Variants in RELN observed in about 807,000 individuals in gnomAD.
RELN encodes reelin.
Under a neutral mutation model 427.6 loss-of-function variants are expected in RELN, and 108 were observed. The ratio of observed to expected loss-of-function variants is 0.25; its 90% CI spans 0.22 to 0.30. RELN has a LOEUF of 0.30. Among genes scored for constraint, RELN ranks in the 10% least tolerant of loss-of-function variants. The pLI, the probability that RELN is intolerant of heterozygous loss-of-function variation, is 1.00. For synonymous variants in RELN, 1,524 were observed against 1,513.4 expected (o/e 1.01, Z -0.16); for missense variants, 3,715 against 4,302.8 (o/e 0.86, Z 3.82).
chr7:103,536,438 T>C (rs2711838), intron 45 of RELN, among the ~76,000 whole-genome samples: 98,097 of 151,888 alleles, frequency 0.65, 32,303 homozygotes, highest in Middle Eastern at 0.74. Context: ...TGGATACCTT[T>C]AGAAATGACT....
intron 4 of RELN, among the ~76,000 whole-genome samples, chr7:103,767,214 C>G (rs534016192): frequency 1.3e-5 from 2 of 152,284 alleles, no homozygotes; most frequent in African/African-American, 4.8e-5. Context: ...TTTAGGGCAC[C>G]AAAGAGTATA....
chr7:103,523,474 T>C lies in RELN; in HGVS notation c.7407A>G (p.Thr2469=), dbSNP rs1287285958. 1.2e-6 allele frequency: 2 copies of C among 1,613,924 alleles called. No individual in the cohort carries two copies. Among genetic ancestry groups the C allele is most frequent in the East Asian group, 2.2e-5 (1 of 44,864 alleles). ...CGATATAGACATTATCTATTGCCCA[T>C]GTCTGCTGCTTGTCAAAAGGAGCTG... ...HQPAPFDKQQ[T]WAIDNVYIGD... Residue 2469 remains threonine (T), a synonymous_variant, in exon 47 of 65, where the codon ACA becomes ACG. Transcript: ENST00000428762.
chr7:103,983,541 C>G (rs539702767), intron 1 of RELN, among the ~76,000 whole-genome samples: 1 of 152,188 alleles, frequency 6.6e-6, no homozygotes, highest in African/African-American at 2.4e-5. Flanking sequence ...ATTCGAGTAT[C>G]TGAAATAGGG....
At chr7:103,956,208 G>T (rs1796431382) in intron 1 of RELN, among the ~76,000 whole-genome samples, 1 of 152,136 alleles carries the variant, frequency 6.6e-6, no homozygotes, top group Non-Finnish European at 1.5e-5. Context: ...ACATTCAAAG[G>T]TTCAGTTGCA....
Position 103,611,603 on chromosome 7 carries a change from A to G in RELN, c.2895+8T>C, listed in dbSNP as rs1157322673. 2.9e-5 allele frequency: 46 copies of G among 1,612,138 alleles called. No homozygotes were observed. The highest frequency in any genetic ancestry group is 1.7e-4 in the Middle Eastern group (1 of 6,056). On this transcript the variant is annotated splice_region_variant and intron_variant, in intron 21 of 64. Transcript: ENST00000428762. ...ACCTGTTACAAGGTTTAAGGAAACT[A>G]GACTTACTTCTTGGACGAGGTGCCA...
intron 2 of RELN, among the ~76,000 whole-genome samples, chr7:103,868,883 T>C (rs1007441587): frequency 5.3e-5 from 8 of 152,150 alleles, no homozygotes; most frequent in Admixed American, 2.6e-4. Flanking sequence ...AAAGTTTTTA[T>C]ACATATTGTT....
intron 2 of RELN, among the ~76,000 whole-genome samples, chr7:103,856,386 A>G (rs945069304): frequency 6.6e-6 from 1 of 151,814 alleles, no homozygotes; most frequent in Admixed American, 6.6e-5. Context: ...CCTGACCAAC[A>G]TGGTGAAACT....
Position 103,498,243 on chromosome 7 carries a change from T to C in RELN, c.8677A>G (p.Lys2893Glu). ...YLTHTLKTFL[K>E]ERFDSEEIKP... is the part of the protein sequence containing the mutation. The stretch of plus-strand genomic sequence containing the variant: ...ATTTCTTCACTGTCAAAGCGTTCCT[T>C]CAGGAAAGTCTGGAAATAAAATAAG... Residue 2893 changes from lysine to glutamate, a missense_variant, in exon 54 of 65, where the codon AAG becomes GAG. By Grantham distance (56) the Lys-to-Glu change is moderately conservative. Transcript: ENST00000428762. The C allele has an allele frequency of 6.2e-7, 1 of 1,613,830 alleles. No individual in the cohort carries two copies. The highest frequency in any genetic ancestry group is 8.5e-7 in the Non-Finnish European group (1 of 1,179,860).
chr7:103,869,838 A>T (rs1221620280), intron 2 of RELN, among the ~76,000 whole-genome samples: 1 of 152,160 alleles, frequency 6.6e-6, no homozygotes, highest in Non-Finnish European at 1.5e-5. Flanking sequence ...ATATCTGTAT[A>T]TCCAACTTTA....
chr7:103,495,455 T>A lies in RELN; in HGVS notation c.9369+268A>T, dbSNP rs535371690. 0.2 allele frequency among the ~76,000 whole-genome samples: 29,803 copies of A among 151,884 alleles called. 2,993 individuals are homozygous for A. Among genetic ancestry groups the A allele is most frequent in the South Asian group, 0.29 (1,393 of 4,814 alleles). On this transcript the variant is annotated intron_variant, in intron 57 of 64. Transcript: ENST00000428762. ...AAAGTGGTGGGATTATAGGCATGGT[T>A]CCACTGCACCCGGCCTGCAATTACT...
rs1831541293 is a variant in RELN, at chr7:103,596,540, C to A, written c.3455G>T (p.Gly1152Val). ...ATTGTTGCTGTACTGAAGGAGGACG[C>A]CCTCCTCTCTGCTGTCAGGCTTGTT... is the stretch of plus-strand genomic sequence containing the variant. The part of the protein sequence containing the change: ...SCNKPDSREE[G>V]VLLQYSNNGG... Residue 1152 changes from glycine (G) to valine (V), a missense_variant, in exon 25 of 65, where the codon GGC (glycine) becomes GTC (valine). This residue lies in a region of RELN where 2,208 missense variants were observed against 2,361.7 expected (regional missense o/e 0.93). Coordinates refer to ENST00000428762, the MANE Select transcript of RELN (RefSeq NM_005045.4). 1 of 1,613,694 alleles carries A rather than the reference C, an allele frequency of 6.2e-7. No homozygotes were observed.
Position 103,498,272 on chromosome 7 carries a change from G to A in RELN, c.8668-20C>T, listed in dbSNP as rs745427691. 6.2e-6 allele frequency: 10 copies of A among 1,609,560 alleles called. No individual in the cohort carries two copies. Among genetic ancestry groups the A allele is most frequent in the Non-Finnish European group, 8.5e-6 (10 of 1,176,644 alleles). ...GAAAGTCTGGAAATAAAATAAGCCA[G>A]ATGTGGTTAAAAAAACAATTTCAGA... On this transcript the variant is annotated intron_variant, in intron 53 of 64. Coordinates refer to ENST00000428762, the MANE Select transcript of RELN (RefSeq NM_005045.4).
intron 16 of RELN, among the ~76,000 whole-genome samples, chr7:103,648,352 A>G (rs1284396497): frequency 6.6e-6 from 1 of 152,066 alleles, no homozygotes; most frequent in African/African-American, 2.4e-5. Flanking sequence ...GCCTTCTGCC[A>G]TGATTGTAAG....
At chr7:103,673,105 C>G (rs1329069756) in intron 11 of RELN, among the ~76,000 whole-genome samples, 1 of 152,108 alleles carries the variant, frequency 6.6e-6, no homozygotes, top group Non-Finnish European at 1.5e-5. Flanking sequence ...ATATAACTCA[C>G]TCTAATTTAT....
chr7:103,622,522 G>C (rs1273924122), intron 20 of RELN, among the ~76,000 whole-genome samples: 1 of 152,110 alleles, frequency 6.6e-6, no homozygotes, highest in Non-Finnish European at 1.5e-5. Context: ...ATTATTTGCT[G>C]GATTCCTGTA....
rs74951855 is a variant in RELN, at chr7:103,591,289, G to A, written c.3913-1461C>T. ...ATTTTTAGAAGGAAAATTGAAATCA[G>A]GAATGAAAAGAACATGATACGACAA... is the stretch of plus-strand genomic sequence containing the variant. On this transcript the variant is annotated intron_variant, in intron 27 of 64. Coordinates refer to ENST00000428762, the MANE Select transcript of RELN (RefSeq NM_005045.4). Among the ~76,000 whole-genome samples, 206 of 152,180 alleles carry A rather than the reference G, an allele frequency of 1.4e-3. 4 individuals carry two copies. In the East Asian group the frequency reaches 0.035, roughly 26 times the overall value.
intron 50 of RELN, chr7:103,513,457 T>C (rs1829479045): frequency 6.6e-6 from 1 of 152,262 alleles, no homozygotes; most frequent in East Asian, 1.9e-4. Flanking sequence ...ATGTAAACCA[T>C]TATACAGGAA....
At chr7:103,873,306 A>T (rs1794396009) in intron 2 of RELN, among the ~76,000 whole-genome samples, 2 of 138,114 alleles carry the variant, frequency 1.4e-5, no homozygotes, top group African/African-American at 5.2e-5. Flanking sequence ...CTAGAAAAGC[A>T]AGAGCAAACA....
At chr7:103,864,598 A>G (rs902543035) in intron 2 of RELN, among the ~76,000 whole-genome samples, 1 of 152,156 alleles carries the variant, frequency 6.6e-6, no homozygotes, top group Admixed American at 6.6e-5. Context: ...CTCCAGGTCC[A>G]TCTGTGTTGT....
Sources: allele counts gnomAD v4.1 joint callset (sites outside exome capture counted in the v4.1 genomes callset), GRCh38; gene constraint gnomAD v4.1.1; regional missense constraint gnomAD v4.1.1; transcripts MANE v1.5; gene names NCBI Gene and HGNC (gene_info 2026-07-23, HGNC 2026-07-21).